CNTNAP2: variants seen among roughly 807,000 people sequenced by gnomAD.
CNTNAP2 encodes the protein contactin associated protein 2.
In CNTNAP2, 98 loss-of-function variants were observed where a neutral mutation model predicts 155.2. The ratio of observed to expected loss-of-function variants is 0.63; its 90% CI spans 0.54 to 0.75. The LOEUF (loss-of-function observed/expected upper bound fraction) is 0.75, where lower values mean the gene tolerates loss of function less well. Ranked by LOEUF, CNTNAP2 falls within the 30% of genes least tolerant of loss-of-function variation. The probability of loss-of-function intolerance (pLI) is 0.00; values close to 1 mark genes in which losing one functional copy is unlikely to be tolerated. For missense variants in CNTNAP2, 1,727 were observed against 1,688.1 expected (o/e 1.02, Z -0.40); for synonymous variants, 651 against 631.2 (o/e 1.03, Z -0.47).
chr7:147,457,683 A>C (rs1797944082), intron 10 of CNTNAP2, among the ~76,000 whole-genome samples: 1 of 152,204 alleles, frequency 6.6e-6, no homozygotes, highest in Non-Finnish European at 1.5e-5. Flanking sequence ...CAAATTAATG[A>C]ATGAGCAAGC....
chr7:146,562,469 C>T (rs1162777848), intron 1 of CNTNAP2, among the ~76,000 whole-genome samples: 3 of 152,046 alleles, frequency 2.0e-5, no homozygotes, highest in Non-Finnish European at 2.9e-5. Context: ...ATAAACCAAA[C>T]TTAAATTGAG....
chr7:146,198,722 T>A (rs1798813571), intron 1 of CNTNAP2, among the ~76,000 whole-genome samples: 1 of 152,174 alleles, frequency 6.6e-6, no homozygotes, highest in African/African-American at 2.4e-5. Flanking sequence ...TCTTATATTC[T>A]AGGTTTCAGT....
At chr7:148,313,117 G>A (rs932833797) in intron 21 of CNTNAP2, among the ~76,000 whole-genome samples, 21 of 151,718 alleles carry the variant, frequency 1.4e-4, no homozygotes, top group Admixed American at 1.2e-3. Flanking sequence ...AGTTTTAAGA[G>A]GTTTAGAAGC....
chr7:147,629,653 A>T (rs1326273853), intron 12 of CNTNAP2, among the ~76,000 whole-genome samples: 6 of 152,056 alleles, frequency 3.9e-5, no homozygotes, highest in African/African-American at 7.2e-5. Context: ...GTGGAAAAAA[A>T]GTGGAAATTA....
chr7:148,387,957 C>T (rs1452933263), intron 22 of CNTNAP2, among the ~76,000 whole-genome samples: 1 of 152,046 alleles, frequency 6.6e-6, no homozygotes, highest in Non-Finnish European at 1.5e-5. Flanking sequence ...TGCTACACTC[C>T]CATCAGCACC....
intron 13 of CNTNAP2, among the ~76,000 whole-genome samples, chr7:147,705,085 G>A (rs184341381): frequency 6.6e-6 from 1 of 151,706 alleles, no homozygotes; most frequent in African/African-American, 2.4e-5. Flanking sequence ...TTTTTATTAT[G>A]TATTTCCTTC....
chr7:146,350,177 CT>C (rs1794890874), intron 1 of CNTNAP2, among the ~76,000 whole-genome samples: 1 of 152,040 alleles, frequency 6.6e-6, no homozygotes, highest in Admixed American at 6.6e-5. Flanking sequence ...TCTTTTTATT[CT>C]TTTTTCTCTA....
intron 8 of CNTNAP2, among the ~76,000 whole-genome samples, chr7:147,279,500 C>A (rs55979996): frequency 0.059 from 8,895 of 151,870 alleles, 361 homozygotes; most frequent in African/African-American, 0.12. Flanking sequence ...ACATTTTCAT[C>A]TAGCATCTGA....
intron 10 of CNTNAP2, among the ~76,000 whole-genome samples, chr7:147,404,521 C>A (rs1174390420): frequency 6.6e-6 from 1 of 152,132 alleles, no homozygotes; most frequent in Non-Finnish European, 1.5e-5. Context: ...TTTTATGTTG[C>A]AAATCGCTAT....
chr7:147,922,824 G>C (rs147415713), intron 14 of CNTNAP2, among the ~76,000 whole-genome samples: 2,477 of 152,288 alleles, frequency 0.016, 76 homozygotes, highest in African/African-American at 0.057. Flanking sequence ...TGTTAGTAAA[G>C]AGAGGATGCA....
intron 1 of CNTNAP2, among the ~76,000 whole-genome samples, chr7:146,607,076 A>C (rs571908171): frequency 1.1e-3 from 170 of 152,298 alleles, no homozygotes; most frequent in African/African-American, 3.8e-3. Flanking sequence ...AGACCAAGGC[A>C]TATTTTCCTC....
rs181688040 is a variant in CNTNAP2 at position 146,617,742 on chromosome 7, G to A, written c.98-156529G>A. ...AATGTAGAATTTTGAAACAGTAATAGTGACTAAAGTGAAACAAAATATTTT... is the reference window on the plus strand; with the variant it reads ...AATGTAGAATTTTGAAACAGTAATAATGACTAAAGTGAAACAAAATATTTT... On this transcript the variant is annotated intron_variant, in intron 1 of 23. Transcript: ENST00000361727. 1.9e-3 allele frequency among the ~76,000 whole-genome samples: 291 copies of A among 152,210 alleles called. 5 individuals carry two copies. The highest frequency in any genetic ancestry group is 1.0e-3 in the Non-Finnish European group (68 of 67,992).
At chr7:147,318,497 A>C (rs557396727) in intron 9 of CNTNAP2, among the ~76,000 whole-genome samples, 1 of 152,144 alleles carries the variant, frequency 6.6e-6, no homozygotes, top group Non-Finnish European at 1.5e-5. Flanking sequence ...CTGTTATACT[A>C]TGCAGCCATA....
intron 8 of CNTNAP2, among the ~76,000 whole-genome samples, chr7:147,260,700 T>A (rs1249509580): frequency 6.6e-6 from 1 of 152,206 alleles, no homozygotes; most frequent in African/African-American, 2.4e-5. Context: ...CAATGTTCTT[T>A]GAAAGCAGGT....
rs556512665 is a variant in CNTNAP2 at position 148,069,231 on chromosome 7, A to G, written c.2384-48887A>G. ...GGAAGTAGAAGTTTCTAGTCTTATG[A>G]TTTTTAACTGTTGTCAGCTAATTAA... On this transcript the variant is annotated intron_variant, in intron 15 of 23. Coordinates refer to ENST00000361727, the MANE Select transcript of CNTNAP2 (RefSeq NM_014141.6). Among the ~76,000 whole-genome samples the G allele has an allele frequency of 1.2e-3, 178 of 152,284 alleles. 2 individuals carry two copies. The highest frequency in any genetic ancestry group is 6.8e-3 in the Middle Eastern group (2 of 294).
At chr7:146,769,288 C>T (rs1027240098) in intron 1 of CNTNAP2, among the ~76,000 whole-genome samples, 1 of 152,172 alleles carries the variant, frequency 6.6e-6, no homozygotes, top group African/African-American at 2.4e-5. Flanking sequence ...TCTTTCGCTC[C>T]TTCCCTCCTT....
At chr7:147,393,483 C>CAAAAAAAA (rs753538177) in intron 9 of CNTNAP2, among the ~76,000 whole-genome samples, 1 of 89,368 alleles carries the variant, frequency 1.1e-5, no homozygotes, top group Non-Finnish European at 2.5e-5. Flanking sequence ...CCCAATTATT[C>CAAAAAAAA]AAAAAAAAAA....
At chr7:146,379,711 C>G (rs1038481046) in intron 1 of CNTNAP2, among the ~76,000 whole-genome samples, 2 of 152,198 alleles carry the variant, frequency 1.3e-5, no homozygotes, top group Non-Finnish European at 2.9e-5. Context: ...TCCTCCAACT[C>G]TGTTTGACCT....
At chr7:147,897,342 T>C (rs1799793500) in intron 13 of CNTNAP2, among the ~76,000 whole-genome samples, 1 of 152,194 alleles carries the variant, frequency 6.6e-6, no homozygotes. Flanking sequence ...TAATCTTTCA[T>C]TGGTTATTTG....
Sources: gnomAD v4.1 joint callset for allele counts (sites outside exome capture counted in the v4.1 genomes callset) on GRCh38, gnomAD v4.1.1 for gene constraint, MANE v1.5 for transcripts, NCBI Gene and HGNC (gene_info 2026-07-23, HGNC 2026-07-21) for gene names.